Variants in HIGD1C observed in about 807,000 individuals in gnomAD.
HIGD1C encodes HIG1 domain family member 1C.
A neutral mutation model predicts 13.1 loss-of-function variants in HIGD1C; 11 were observed. The observed-to-expected ratio is 0.84, with a 90% CI of 0.53 to 1.39. The LOEUF (loss-of-function observed/expected upper bound fraction) is 1.39. Ranked by LOEUF, HIGD1C falls within the 40% of genes most tolerant of loss-of-function variation. The probability of loss-of-function intolerance (pLI) is 0.00; values close to 1 mark genes in which losing one functional copy is unlikely to be tolerated. For missense variants in HIGD1C, 110 were observed against 112.0 expected, an observed-to-expected ratio of 0.98 and a Z score of 0.08; for synonymous variants, 36 against 37.7, an observed-to-expected ratio of 0.95 and a Z score of 0.17.
chr12:50,956,459 T>C (rs1409805444), intron 1 of HIGD1C, among the ~76,000 whole-genome samples: 1 of 152,244 alleles, frequency 6.6e-6, no homozygotes, highest in Non-Finnish European at 1.5e-5. Context: ...CAATATCTAC[T>C]ATGTATTTTC....
At chr12:50,938,426 G>T in the HIGD1C span, among the ~76,000 whole-genome samples, 1 of 152,304 alleles carries the variant, frequency 6.6e-6, no homozygotes, top group East Asian at 1.9e-4. Flanking sequence ...TGGGGAAGGG[G>T]GTTTCCCAGA....
the HIGD1C span, among the ~76,000 whole-genome samples, chr12:50,936,473 A>ATG: frequency 6.6e-6 from 1 of 152,222 alleles, no homozygotes; most frequent in Non-Finnish European, 1.5e-5. Context: ...AGGGATAATT[A>ATG]TCCCCATTTG....
intron 2 of HIGD1C, among the ~76,000 whole-genome samples, chr12:50,964,774 A>G (rs1182687483): frequency 6.6e-6 from 1 of 152,272 alleles, no homozygotes; most frequent in Non-Finnish European, 1.5e-5. Flanking sequence ...ACATCTGGAT[A>G]GCAGAGTGAC....
the HIGD1C span, among the ~76,000 whole-genome samples, chr12:50,942,028 G>A: frequency 6.6e-6 from 1 of 152,028 alleles, no homozygotes; most frequent in Non-Finnish European, 1.5e-5. Context: ...CCACAGATGT[G>A]CGCCACCATA....
intron 2 of HIGD1C, among the ~76,000 whole-genome samples, chr12:50,963,369 CAAAAAAAAAAAAAA>C (rs35764288): frequency 5.5e-5 from 4 of 72,400 alleles, no homozygotes; most frequent in Admixed American, 1.8e-4. Flanking sequence ...GACTCCATCT[CAAAAAAAAAAAAAA>C]AAAAAAAAAA....
intron 2 of HIGD1C, among the ~76,000 whole-genome samples, chr12:50,968,428 T>C (rs1353995184): frequency 6.6e-6 from 1 of 152,066 alleles, no homozygotes; most frequent in African/African-American, 2.4e-5. Context: ...TGCTCTGTCA[T>C]CCGGCTGGCG....
downstream of HIGD1C, among the ~76,000 whole-genome samples, chr12:50,972,426 C>A (rs146128417): frequency 2.0e-5 from 3 of 152,284 alleles, no homozygotes; most frequent in East Asian, 3.9e-4. Context: ...AATCATTTCC[C>A]AGAACCAGAA....
At chr12:50,940,160 C>T in the HIGD1C span, 2 of 152,130 alleles carry the variant, frequency 1.3e-5, no homozygotes, top group Non-Finnish European at 2.9e-5. Flanking sequence ...ATGAGAAGCA[C>T]TTGCTTCAAT....
chr12:50,939,337 G>A, the HIGD1C span, among the ~76,000 whole-genome samples: 3 of 152,084 alleles, frequency 2.0e-5, no homozygotes, highest in Non-Finnish European at 4.4e-5. Flanking sequence ...TAGTAAAGAC[G>A]GGGTTTTGCC....
chr12:50,944,490 G>A, the HIGD1C span, among the ~76,000 whole-genome samples: 1 of 152,086 alleles, frequency 6.6e-6, no homozygotes, highest in African/African-American at 2.4e-5. Flanking sequence ...AAAAGGGTGG[G>A]GGGAACACCC....
chr12:50,937,518 G>A, the HIGD1C span, among the ~76,000 whole-genome samples: 4 of 152,144 alleles, frequency 2.6e-5, no homozygotes, highest in African/African-American at 4.8e-5. Context: ...CCTTCTCATC[G>A]CCTGCAACGT....
chr12:50,933,108 A>AG, the HIGD1C span, among the ~76,000 whole-genome samples: 1 of 152,226 alleles, frequency 6.6e-6, no homozygotes, highest in South Asian at 2.1e-4. Context: ...CACTTTTCAG[A>AG]GAAAACTGAG....
At chr12:50,967,546 G>A (rs2139826651) in intron 2 of HIGD1C, among the ~76,000 whole-genome samples, 1 of 152,246 alleles carries the variant, frequency 6.6e-6, no homozygotes, top group South Asian at 2.1e-4. Context: ...AAAGTGCTGG[G>A]ATGACAGGTA....
chr12:50,963,634 T>C (rs906349364), intron 2 of HIGD1C, among the ~76,000 whole-genome samples: 2 of 152,160 alleles, frequency 1.3e-5, no homozygotes, highest in Non-Finnish European at 2.9e-5. Context: ...ATGGTGGCTG[T>C]GCTCATGATT....
the HIGD1C span, among the ~76,000 whole-genome samples, chr12:50,944,473 T>C: frequency 6.6e-6 from 1 of 152,114 alleles, no homozygotes; most frequent in South Asian, 2.1e-4. Flanking sequence ...CTAGGCAACA[T>C]GTCTCAAAAA....
At chr12:50,951,809 C>G (rs1938903992), upstream of HIGD1C, among the ~76,000 whole-genome samples, 2 of 151,242 alleles carry the variant, frequency 1.3e-5, no homozygotes, top group Admixed American at 1.3e-4. Context: ...ATAGTCCTAG[C>G]TACTCGGGAG....
intron 2 of HIGD1C, among the ~76,000 whole-genome samples, chr12:50,962,582 A>G (rs1044812709): frequency 3.9e-5 from 6 of 151,980 alleles, no homozygotes; most frequent in African/African-American, 1.5e-4. Context: ...CTGTAGTCAC[A>G]GCTACTTGGG....
chr12:50,966,490 T>C (rs935345183), intron 2 of HIGD1C, among the ~76,000 whole-genome samples: 2 of 152,194 alleles, frequency 1.3e-5, no homozygotes, highest in Admixed American at 6.5e-5. Context: ...ACCCAAGAGA[T>C]GCCAGTAGAA....
chr12:50,939,556 G>A, the HIGD1C span, among the ~76,000 whole-genome samples: 1 of 152,146 alleles, frequency 6.6e-6, no homozygotes, highest in African/African-American at 2.4e-5. Context: ...GGCTGTCAGT[G>A]CTGCCTCGAC....
Sources: allele counts gnomAD v4.1 joint callset (sites outside exome capture counted in the v4.1 genomes callset), GRCh38; gene constraint gnomAD v4.1.1; transcripts MANE v1.5; gene names NCBI Gene and HGNC (gene_info 2026-07-23, HGNC 2026-07-21).